The following MSRA variants were observed in gnomAD, a reference collection of about 807,000 sequenced individuals.
MSRA encodes methionine sulfoxide reductase A, also known as mitochondrial peptide methionine sulfoxide reductase.
MSRA carries 54 observed loss-of-function variants against 31.3 expected under a neutral mutation model. That is an observed-to-expected ratio of 1.73 (90% CI 1.39 to 2.17). MSRA has a LOEUF of 2.17. Among genes scored for constraint, MSRA ranks in the 30% most tolerant of loss-of-function variants. MSRA has a pLI of 0.00. For missense variants in MSRA, 507 were observed against 300.9 expected (o/e 1.69, Z -5.07); for synonymous variants, 169 against 116.5 (o/e 1.45, Z -2.90).
intron 5 of MSRA, among the ~76,000 whole-genome samples, chr8:10,347,007 C>T (rs1201224713): frequency 6.6e-6 from 1 of 152,202 alleles, no homozygotes; most frequent in Non-Finnish European, 1.5e-5. Context: ...TCCCTGTCCT[C>T]ACAGACCCTC....
At chr8:10,397,176 A>G (rs1273695911) in intron 5 of MSRA, among the ~76,000 whole-genome samples, 1 of 152,168 alleles carries the variant, frequency 6.6e-6, no homozygotes, top group Non-Finnish European at 1.5e-5. Flanking sequence ...GCTAGAATGT[A>G]TATTTCCCTG....
rs191166864 is a variant in MSRA at position 10,319,537 on chromosome 8, A to T, written c.437-346A>T. Among the ~76,000 whole-genome samples, 212 of 152,104 alleles carry T rather than the reference A, an allele frequency of 1.4e-3. 4 individuals carry two copies. Among genetic ancestry groups the T allele is most frequent in the Admixed American group, 0.014 (211 of 15,250 alleles). ...GTATCTCCTTAGGACCCAAGGAAAT[A>T]ATATGTATCATAGTGCATTACATGT... On this transcript the variant is annotated intron_variant, in intron 4 of 5. Coordinates refer to ENST00000317173, the MANE Select transcript of MSRA (RefSeq NM_012331.5).
chr8:10,372,949 T>C (rs139181449), intron 5 of MSRA, among the ~76,000 whole-genome samples: 120 of 152,370 alleles, frequency 7.9e-4, no homozygotes, highest in Middle Eastern at 3.4e-3. Flanking sequence ...AGTGCAGTGC[T>C]GCGATCTCGG....
At chr8:10,214,805 T>G (rs73662804) in intron 2 of MSRA, among the ~76,000 whole-genome samples, 16,766 of 152,234 alleles carry the variant, frequency 0.11, 1,170 homozygotes, top group East Asian at 0.27. Flanking sequence ...CAATGGTCAT[T>G]GGAGACATAG....
intron 1 of MSRA, among the ~76,000 whole-genome samples, chr8:10,097,955 C>T (rs2128930894): frequency 6.6e-6 from 1 of 152,152 alleles, no homozygotes; most frequent in Non-Finnish European, 1.5e-5. Context: ...CATTACATAG[C>T]TTAAAATGAA....
At chr8:10,110,127 C>A (rs1800175578) in intron 1 of MSRA, among the ~76,000 whole-genome samples, 3 of 152,300 alleles carry the variant, frequency 2.0e-5, no homozygotes, top group Admixed American at 2.0e-4. Context: ...CGTTCTGACA[C>A]AGACTTCCAC....
intron 5 of MSRA, among the ~76,000 whole-genome samples, chr8:10,357,811 T>C (rs1804597845): frequency 6.6e-6 from 1 of 152,212 alleles, no homozygotes; most frequent in Non-Finnish European, 1.5e-5. Flanking sequence ...GGAGGGGTGT[T>C]ATCAAATACT....
chr8:10,277,448 G>C (rs149171899), intron 3 of MSRA, among the ~76,000 whole-genome samples: 3,270 of 152,246 alleles, frequency 0.021, 51 homozygotes, highest in Non-Finnish European at 0.032. Context: ...GGAAATTGAG[G>C]AGGAAACTTT....
At chr8:10,193,227 T>C (rs1190891096) in intron 1 of MSRA, among the ~76,000 whole-genome samples, 2 of 152,170 alleles carry the variant, frequency 1.3e-5, no homozygotes, top group Admixed American at 1.3e-4. Context: ...TCCAAAAACA[T>C]CTGATCAGAA....
intron 3 of MSRA, among the ~76,000 whole-genome samples, chr8:10,286,938 C>T (rs1266618080): frequency 6.6e-6 from 1 of 152,198 alleles, no homozygotes; most frequent in East Asian, 1.9e-4. Flanking sequence ...TTTATTATAA[C>T]TGCTGTGCTG....
chr8:10,162,471 CT>C (rs1283125121), intron 1 of MSRA, among the ~76,000 whole-genome samples: 1 of 152,018 alleles, frequency 6.6e-6, no homozygotes, highest in African/African-American at 2.4e-5. Flanking sequence ...AATTCAAAGC[CT>C]TTGATTTCTG....
chr8:10,102,199 A>C lies in MSRA; in HGVS notation c.142+47541A>C, dbSNP rs188810586. 2.7e-3 allele frequency among the ~76,000 whole-genome samples: 410 copies of C among 152,318 alleles called. 1 individual carries two copies. The highest frequency in any genetic ancestry group is 9.6e-3 in the African/African-American group (400 of 41,562). ...CTTTTGCTAAATTGGGAAAGTTGTC[A>C]GGCATTATTTCTTTGAATACTTCCC... On this transcript the variant is annotated intron_variant, in intron 1 of 5. Transcript: ENST00000317173.
chr8:10,147,010 G>T (rs1246626481), intron 1 of MSRA, among the ~76,000 whole-genome samples: 1 of 152,242 alleles, frequency 6.6e-6, no homozygotes, highest in Non-Finnish European at 1.5e-5. Flanking sequence ...CTGGGGCCTT[G>T]TTGGGTTACC....
At chr8:10,153,463 C>T (rs1055049923) in intron 1 of MSRA, among the ~76,000 whole-genome samples, 1 of 152,164 alleles carries the variant, frequency 6.6e-6, no homozygotes, top group African/African-American at 2.4e-5. Context: ...TTGTCTTTAT[C>T]CTCGGAGGAG....
At chr8:10,235,092 G>T (rs952767177) in intron 2 of MSRA, among the ~76,000 whole-genome samples, 1 of 150,854 alleles carries the variant, frequency 6.6e-6, no homozygotes, top group Non-Finnish European at 1.5e-5. Context: ...GTAAAACCCT[G>T]TACCTAAGAA....
At chr8:10,121,678 T>TC in intron 1 of MSRA, among the ~76,000 whole-genome samples, 1 of 145,578 alleles carries the variant, frequency 6.9e-6, no homozygotes, top group Non-Finnish European at 1.5e-5. Context: ...TCCCTCTCTC[T>TC]TTTTTTTTTG....
chr8:10,213,824 T>C (rs1809740322), intron 2 of MSRA, among the ~76,000 whole-genome samples: 1 of 152,120 alleles, frequency 6.6e-6, no homozygotes, highest in South Asian at 2.1e-4. Context: ...ACTGATTTCC[T>C]CTCTTTTGGG....
intron 1 of MSRA, among the ~76,000 whole-genome samples, chr8:10,140,017 C>T (rs1015202747): frequency 4.6e-5 from 7 of 152,172 alleles, no homozygotes; most frequent in African/African-American, 9.7e-5. Flanking sequence ...TTATCTGATG[C>T]AAGTTTTCTG....
intron 2 of MSRA, among the ~76,000 whole-genome samples, chr8:10,236,997 A>G (rs1211523061): frequency 6.6e-6 from 1 of 152,242 alleles, no homozygotes; most frequent in Admixed American, 6.5e-5. Flanking sequence ...CATGTTAACT[A>G]ACCCTCTAGC....
Sources: allele counts gnomAD v4.1 joint callset (sites outside exome capture counted in the v4.1 genomes callset), GRCh38; gene constraint gnomAD v4.1.1; transcripts MANE v1.5; gene names NCBI Gene and HGNC (gene_info 2026-07-23, HGNC 2026-07-21).